The following APEX1 variants were observed in gnomAD, a reference collection of about 807,000 sequenced individuals.
APEX1 encodes the protein DNA repair nuclease/redox regulator APEX1.
Under a neutral mutation model 33.2 loss-of-function variants are expected in APEX1, and 32 were observed. That is an observed-to-expected ratio of 0.96 (90% CI 0.73 to 1.29). APEX1 has a LOEUF of 1.29. Among genes scored for constraint, APEX1 ranks in the 50% most tolerant of loss-of-function variants. The pLI, the probability that APEX1 is intolerant of heterozygous loss-of-function variation, is 0.00. For synonymous variants in APEX1, 175 were observed against 156.6 expected (o/e 1.12, Z -0.88); for missense variants, 442 against 395.6 (o/e 1.12, Z -0.99).
In APEX1 at chr14:20,455,932, G is replaced by GT. The variant is rs1881309518; in HGVS notation, c.78dup (p.Lys27Ter). 1 of 1,614,040 alleles carries GT rather than the reference G, an allele frequency of 6.2e-7. No homozygotes were observed. Among genetic ancestry groups the GT allele is most frequent in the South Asian group, 1.1e-5 (1 of 91,092 alleles). On this transcript the variant is annotated frameshift_variant, in exon 3 of 5. Transcript: ENST00000216714. LOFTEE classifies it high-confidence loss of function. ...TTTATAGAGCCAGAGGCCAAGAAGA[G>GT]TAAGACGGCCGCAAAGAAAAATGAC...
chr14:20,456,953 T>TTA (rs1267091681), intron 4 of APEX1, 38 bp from the exon 5 acceptor site: 10 of 1,607,488 alleles, frequency 6.2e-6, no homozygotes, highest in African/African-American at 1.3e-5. Flanking sequence ...TTCCCTTTTC[T>TTA]TATAGTTTTT....
rs768653946 is a variant in APEX1, at chr14:20,457,226, G to C, written c.675G>C (p.Gly225=). ...HEEIDLRNPK[G]NKKNAGFTPQ... ...AAATTGACCTTCGCAACCCCAAGGG[G>C]AACAAAAAGAATGCTGGCTTCACGC... Residue 225 remains glycine (G), a synonymous_variant, in exon 5 of 5, where the codon GGG becomes GGC. Transcript: ENST00000216714. 1.2e-6 allele frequency: 2 copies of C among 1,614,046 alleles called. No homozygotes were observed. The highest frequency in any genetic ancestry group is 1.7e-6 in the Non-Finnish European group (2 of 1,180,040).
At chr14:20,456,953 TTA>T (rs1267091681) in intron 4 of APEX1, 36 bp from the exon 5 acceptor site, 26 of 1,607,488 alleles carry the variant, frequency 1.6e-5, no homozygotes, top group East Asian at 8.9e-5. Context: ...TTCCCTTTTC[TTA>T]TAGTTTTTTA....
In APEX1 at chr14:20,456,062, G is replaced by A. The variant is rs746122571; in HGVS notation, c.207G>A (p.Val69=). 6.2e-7 allele frequency: 1 copy of A among 1,614,108 alleles called. No individual in the cohort carries two copies. The highest frequency in any genetic ancestry group is 1.3e-5 in the African/African-American group (1 of 74,926). Residue 69 remains valine, a synonymous_variant, in exon 3 of 5, where the codon GTG becomes GTA. Transcript: ENST00000216714. ...PATLKICSWN[V]DGLRAWIKKK... ...CACTCAAGATCTGCTCTTGGAATGT[G>A]GATGGGCTTCGAGCCTGGATTAAGA... is the stretch of plus-strand genomic sequence containing the variant.
Position 20,455,609 on chromosome 14 carries a change from G to A in APEX1, c.-37G>A, listed in dbSNP as rs1881282958. ...CGGTAAAAATATTGCTTCGGTGGGTGACGCGGTACAGCTGCCCAAGGGCGT... is the reference window on the plus strand; with the variant it reads ...CGGTAAAAATATTGCTTCGGTGGGTAACGCGGTACAGCTGCCCAAGGGCGT... On this transcript the variant is annotated 5_prime_UTR_variant, in exon 2 of 5. Coordinates refer to ENST00000216714, the MANE Select transcript of APEX1 (RefSeq NM_001641.4). 1 of 1,612,446 alleles carries A rather than the reference G, an allele frequency of 6.2e-7. No individual in the cohort carries two copies. Among genetic ancestry groups the A allele is most frequent in the African/African-American group, 1.3e-5 (1 of 74,860 alleles).
chr14:20,457,515 C>T lies in APEX1; in HGVS notation c.*7C>T, dbSNP rs1288511432. 4 of 1,613,252 alleles carry T rather than the reference C, an allele frequency of 2.5e-6. No individual in the cohort carries two copies. The highest frequency in any genetic ancestry group is 3.3e-5 in the Admixed American group (2 of 59,996). On this transcript the variant is annotated 3_prime_UTR_variant, in exon 5 of 5. Transcript: ENST00000216714. ...CCTATACCTAGCACTGTGACACCACCCCTAAATCACTTTGAGCCTGGGAAA... is the reference window on the plus strand; with the variant it reads ...CCTATACCTAGCACTGTGACACCACTCCTAAATCACTTTGAGCCTGGGAAA...
At position 20,455,686 on chromosome 14, in the gene APEX1, G is replaced by C; in HGVS notation, c.41G>C (p.Gly14Ala). 1 of 1,614,168 alleles carries C rather than the reference G, an allele frequency of 6.2e-7. No individual in the cohort carries two copies. Among genetic ancestry groups the C allele is most frequent in the Non-Finnish European group, 8.5e-7 (1 of 1,180,046 alleles). Residue 14 changes from glycine (G) to alanine (A), a missense_variant, in exon 2 of 5, where the codon GGG (glycine) becomes GCG (alanine). Transcript: ENST00000216714. ...RGKKGAVAED[G>A]DELRTEPEAK... is the part of the protein sequence containing the mutation. ...AAAAAGGGAGCGGTGGCGGAAGACG[G>C]GGATGAGCTCAGGACAGGTAAGGGA...
In APEX1 at chr14:20,457,034, A is replaced by G. The variant is rs754079003; in HGVS notation, c.483A>G (p.Glu161=). Residue 161 remains glutamate, a synonymous_variant, in exon 5 of 5, where the codon GAA becomes GAG. Transcript: ENST00000216714. ...HDQEGRVIVA[E]FDSFVLVTAY... The stretch of plus-strand genomic sequence containing the variant: ...AGGAAGGCCGGGTGATTGTGGCTGA[A>G]TTTGACTCGTTTGTGCTGGTAACAG... 6.2e-7 allele frequency: 1 copy of G among 1,614,186 alleles called. No homozygotes were observed. Among genetic ancestry groups the G allele is most frequent in the Non-Finnish European group, 8.5e-7 (1 of 1,180,024 alleles).
chr14:20,455,497 G>A, intron 1 of APEX1, 81 bp from the exon 2 acceptor site: 7 of 1,326,846 alleles, frequency 5.3e-6, no homozygotes, highest in Non-Finnish European at 7.4e-6. Flanking sequence ...GGTTTGAAAG[G>A]CGGGACCTGG....
rs539249480 is a variant in APEX1 at position 20,456,904 on chromosome 14, A to T, written c.439+44A>T. ...CTAATGCCTGAACTCTTCAAAACCAATTGCTAATTCTCTATCTCTGCCCCA... is the reference window on the plus strand; with the variant it reads ...CTAATGCCTGAACTCTTCAAAACCATTTGCTAATTCTCTATCTCTGCCCCA... On this transcript the variant is annotated intron_variant, in intron 4 of 4. Transcript: ENST00000216714. 5.6e-6 allele frequency: 9 copies of T among 1,606,402 alleles called. No individual in the cohort carries two copies. The South Asian group carries it at 8.9e-5, about 16-fold the overall frequency.
In APEX1 at chr14:20,455,470, G is replaced by A. The variant is rs139081130; in HGVS notation, c.-69+76G>A. On this transcript the variant is annotated intron_variant, in intron 1 of 4. Transcript: ENST00000216714. ...CCTATGATGCACGGAGGCGGGGAAA[G>A]GATTTAGAGATAACGTGGTTTGAAA... 255 of 1,027,530 alleles carry A rather than the reference G, an allele frequency of 2.5e-4. No individual in the cohort carries two copies. The African/African-American group carries it at 3.5e-3, about 14-fold the overall frequency. The allele number at this position is 1,027,530 out of a possible 1,614,324, so 63.7% of individuals were successfully genotyped here.
In APEX1 at chr14:20,455,699, G is replaced by T; in HGVS notation, c.54G>T (p.Arg18Ser). ...GAVAEDGDEL[R>S]TEPEAKKSKT... ...TGGCGGAAGACGGGGATGAGCTCAG[G>T]ACAGGTAAGGGAATGAAATCAGCCC... Residue 18 changes from arginine to serine, a missense_variant, in exon 2 of 5, where the codon AGG becomes AGT. Arg to Ser is a moderately radical substitution (Grantham distance 110). Coordinates refer to ENST00000216714, the MANE Select transcript of APEX1 (RefSeq NM_001641.4). The T allele has an allele frequency of 6.2e-7, 1 of 1,614,186 alleles. No individual in the cohort carries two copies. The highest frequency in any genetic ancestry group is 8.5e-7 in the Non-Finnish European group (1 of 1,180,046).
Position 20,455,397 on chromosome 14 carries a change from A to C in APEX1, c.-69+3A>C. On this transcript the variant is annotated splice_donor_region_variant and intron_variant, in intron 1 of 4. Coordinates refer to ENST00000216714, the MANE Select transcript of APEX1 (RefSeq NM_001641.4). ...GGAGGGCAGATCTCGCGAGTAGGGTACAAGGCACTATGAAATGATCTAGTT... is the reference window on the plus strand; with the variant it reads ...GGAGGGCAGATCTCGCGAGTAGGGTCCAAGGCACTATGAAATGATCTAGTT... 2 of 603,374 alleles carry C rather than the reference A, an allele frequency of 3.3e-6. No individual in the cohort carries two copies. Among genetic ancestry groups the C allele is most frequent in the Middle Eastern group, 4.5e-4 (1 of 2,200 alleles). 37.4% of individuals were successfully genotyped at this position (603,374 alleles called of 1,614,324 possible). A position where few individuals can be genotyped will look rare whatever the true frequency, so the allele number is the denominator to read the frequency against.
Position 20,457,396 on chromosome 14 carries a change from T to TCC in APEX1, c.845_846insCC (p.Asp283LeufsTer35). ...CGATCCAAGAATGTTGGTTGGCGCC[T>TCC]TGATTACTTTTTGTTGTCCCACTCT... On this transcript the variant is annotated frameshift_variant, in exon 5 of 5. Transcript: ENST00000216714. LOFTEE classifies it high-confidence loss of function. 6.2e-7 allele frequency: 1 copy of TCC among 1,614,228 alleles called. No individual in the cohort carries two copies. The highest frequency in any genetic ancestry group is 1.7e-5 in the Admixed American group (1 of 60,030).
chr14:20,456,637 AT>A (rs1199532631), intron 3 of APEX1, 30 bp from the exon 4 acceptor site: 1 of 1,591,212 alleles, frequency 6.3e-7, no homozygotes, highest in Non-Finnish European at 8.6e-7. Context: ...TGAATTGATA[AT>A]ACGTTTTCCA....
Position 20,457,353 on chromosome 14 carries a change from A to G in APEX1, c.802A>G (p.Thr268Ala). ...PNTPYAYTFW[T>A]YMMNARSKNV... is the part of the protein sequence containing the mutation. ...CACACCCTATGCCTACACCTTTTGG[A>G]CTTATATGATGAATGCTCGATCCAA... Residue 268 changes from threonine (T) to alanine (A), a missense_variant, in exon 5 of 5, where the codon ACT becomes GCT. By Grantham distance (58) the Thr-to-Ala change is moderately conservative. Coordinates refer to ENST00000216714, the MANE Select transcript of APEX1 (RefSeq NM_001641.4). 6.2e-7 allele frequency: 1 copy of G among 1,614,194 alleles called. No individual in the cohort carries two copies. Among genetic ancestry groups the G allele is most frequent in the Non-Finnish European group, 8.5e-7 (1 of 1,180,028 alleles).
rs1881423668 is a variant in APEX1 at position 20,457,057 on chromosome 14, C to G, written c.506C>G (p.Thr169Arg). Residue 169 changes from threonine to arginine, a missense_variant, in exon 5 of 5, where the codon ACA becomes AGA. By Grantham distance (71) the Thr-to-Arg change is moderately conservative (BLOSUM62 -1). Coordinates refer to ENST00000216714, the MANE Select transcript of APEX1 (RefSeq NM_001641.4). ...VAEFDSFVLV[T>R]AYVPNAGRGL... is the part of the protein sequence containing the mutation. ...GAATTTGACTCGTTTGTGCTGGTAA[C>G]AGCATATGTACCTAATGCAGGCCGA... 6.2e-7 allele frequency: 1 copy of G among 1,614,070 alleles called. No homozygotes were observed. Among genetic ancestry groups the G allele is most frequent in the Admixed American group, 1.7e-5 (1 of 59,998 alleles).
chr14:20,457,698 A>C lies in APEX1; in HGVS notation c.*190A>C. Reference sequence around the variant, plus strand: ...TTTGAGGGTTTTTTGTTTTTTAAAAAAAAATTGAACAAAGACTACTAATGA... The same window carrying C: ...TTTGAGGGTTTTTTGTTTTTTAAAACAAAATTGAACAAAGACTACTAATGA... On this transcript the variant is annotated 3_prime_UTR_variant, in exon 5 of 5. Coordinates refer to ENST00000216714, the MANE Select transcript of APEX1 (RefSeq NM_001641.4). 3 of 759,642 alleles carry C rather than the reference A, an allele frequency of 3.9e-6. No homozygotes were observed. The highest frequency in any genetic ancestry group is 6.3e-6 in the Non-Finnish European group (3 of 478,178). The allele number at this position is 759,642 out of a possible 1,614,324, so 47.1% of individuals were successfully genotyped here. A position where few individuals can be genotyped will look rare whatever the true frequency, so the allele number is the denominator to read the frequency against.
chr14:20,456,693 T>G lies in APEX1; in HGVS notation c.272T>G (p.Ile91Arg), dbSNP rs780082716. 16 of 1,614,076 alleles carry G rather than the reference T, an allele frequency of 9.9e-6. No homozygotes were observed. Among genetic ancestry groups the G allele is most frequent in the Non-Finnish European group, 1.3e-5 (15 of 1,180,006 alleles). ...TGGGTAAAGGAAGAAGCCCCAGATATACTGTGCCTTCAAGAGACCAAATGT... is the reference window on the plus strand; with the variant it reads ...TGGGTAAAGGAAGAAGCCCCAGATAGACTGTGCCTTCAAGAGACCAAATGT... Reference protein sequence around the residue: ...LDWVKEEAPDILCLQETKCSE... With the variant: ...LDWVKEEAPDRLCLQETKCSE... The change falls in exon 4 of 5, where the codon ATA (isoleucine) becomes AGA (arginine). Residue 91 changes from isoleucine (I) to arginine (R), a missense_variant. Coordinates refer to ENST00000216714, the MANE Select transcript of APEX1 (RefSeq NM_001641.4).
Sources: gnomAD v4.1 joint callset for allele counts on GRCh38, gnomAD v4.1.1 for gene constraint, MANE v1.5 for transcripts, NCBI Gene and HGNC (gene_info 2026-07-23, HGNC 2026-07-21) for gene names.